Variants in ANO3 observed in about 807,000 individuals in gnomAD.
The protein encoded by ANO3 is anoctamin-3.
In ANO3, 99 loss-of-function variants were observed where a neutral mutation model predicts 144.8. The observed-to-expected ratio is 0.68, with a 90% CI of 0.58 to 0.81. The LOEUF (loss-of-function observed/expected upper bound fraction) is 0.81, where lower values mean the gene tolerates loss of function less well. Among genes scored for constraint, ANO3 ranks in the 30% least tolerant of loss-of-function variants. The pLI is 0.00. For synonymous variants in ANO3, 414 were observed against 392.6 expected, an observed-to-expected ratio of 1.05 and a Z score of -0.64; for missense variants, 905 against 1,202.2, an observed-to-expected ratio of 0.75 and a Z score of 3.66.
chr11:26,410,173 T>G (rs1409292950), intron 1 of ANO3, among the ~76,000 whole-genome samples: 5 of 152,002 alleles, frequency 3.3e-5, no homozygotes, highest in Admixed American at 6.6e-5. Flanking sequence ...ATCGAGTGCC[T>G]ACTAGGTTCC....
At chr11:26,394,335 T>C (rs896172161) in intron 1 of ANO3, among the ~76,000 whole-genome samples, 1 of 152,062 alleles carries the variant, frequency 6.6e-6, no homozygotes, top group Non-Finnish European at 1.5e-5. Context: ...TCTTTCATTA[T>C]TATAGTTATT....
chr11:26,604,385 G>A (rs1851881053), intron 17 of ANO3, among the ~76,000 whole-genome samples: 1 of 152,060 alleles, frequency 6.6e-6, no homozygotes, highest in Non-Finnish European at 1.5e-5. Context: ...GGATTGTCTT[G>A]GCTATACGGG....
At chr11:26,534,936 GA>G (rs1355103673) in intron 9 of ANO3, among the ~76,000 whole-genome samples, 1 of 152,068 alleles carries the variant, frequency 6.6e-6, no homozygotes, top group African/African-American at 2.4e-5. Flanking sequence ...CTTAGGGACT[GA>G]AAAATAAGTT....
At chr11:26,476,540 A>G (rs1195248624) in intron 4 of ANO3, among the ~76,000 whole-genome samples, 2 of 152,076 alleles carry the variant, frequency 1.3e-5, no homozygotes, top group African/African-American at 4.8e-5. Context: ...AGGTGAGCAG[A>G]CACAATGCTG....
chr11:26,251,012 G>C lies in ANO3; in HGVS notation c.155-58633G>C, dbSNP rs760948644. ...CTTGTGATACCGTGACTGACTGGGA[G>C]CTGTGGTTCTCTTATACTGATCAGC... On this transcript the variant is annotated intron_variant, in intron 1 of 27. Transcript: ENST00000672621. Among the ~76,000 whole-genome samples the C allele has an allele frequency of 3.9e-4, 60 of 152,268 alleles. 1 individual carries two copies. In the Middle Eastern group the frequency reaches 0.027, roughly 69 times the overall value.
intron 6 of ANO3, among the ~76,000 whole-genome samples, chr11:26,524,996 C>A (rs1849125698): frequency 6.6e-6 from 1 of 152,152 alleles, no homozygotes; most frequent in South Asian, 2.1e-4. Flanking sequence ...AGATTCAATA[C>A]AGGTGACATA....
chr11:26,452,364 C>T (rs1304842159), intron 3 of ANO3, among the ~76,000 whole-genome samples: 7 of 152,014 alleles, frequency 4.6e-5, no homozygotes, highest in Admixed American at 2.0e-4. Context: ...ACTAGAATAA[C>T]CAATACAGAG....
At chr11:26,421,267 G>A (rs1269822294) in intron 1 of ANO3, among the ~76,000 whole-genome samples, 1 of 152,030 alleles carries the variant, frequency 6.6e-6, no homozygotes, top group Non-Finnish European at 1.5e-5. Flanking sequence ...CATAGCTCAA[G>A]TAATCACTCA....
chr11:26,470,490 A>C (rs1859741959), intron 4 of ANO3, among the ~76,000 whole-genome samples: 1 of 151,870 alleles, frequency 6.6e-6, no homozygotes, highest in Non-Finnish European at 1.5e-5. Flanking sequence ...CTCACATTGT[A>C]ATTTGTGGTG....
chr11:26,640,705 T>C (rs917284234), intron 21 of ANO3, among the ~76,000 whole-genome samples: 4 of 152,108 alleles, frequency 2.6e-5, no homozygotes, highest in African/African-American at 9.7e-5. Context: ...GGATCACATA[T>C]ATCAAATCCT....
chr11:26,247,726 C>CTTTT (rs532538445), intron 1 of ANO3, among the ~76,000 whole-genome samples: 2,377 of 104,152 alleles, frequency 0.023, 158 homozygotes, highest in African/African-American at 0.051. Context: ...GCTCCAGTCA[C>CTTTT]TTTTTTTTTT....
At chr11:26,600,396 CCCCA>C (rs1298842781) in intron 17 of ANO3, among the ~76,000 whole-genome samples, 40 of 55,402 alleles carry the variant, frequency 7.2e-4, no homozygotes, top group African/African-American at 1.7e-3. Flanking sequence ...CTCCTCTCCT[CCCCA>C]CCTCCCTTCC....
At chr11:26,499,836 C>A (rs117847722) in intron 4 of ANO3, among the ~76,000 whole-genome samples, 11,336 of 151,824 alleles carry the variant, frequency 0.075, 600 homozygotes, top group Admixed American at 0.13. Context: ...ATTAATCACC[C>A]ATTTAAAGTA....
intron 1 of ANO3, among the ~76,000 whole-genome samples, chr11:26,378,970 C>CAAAA (rs5790576): frequency 1.3e-4 from 18 of 138,018 alleles, no homozygotes; most frequent in African/African-American, 4.4e-4. Flanking sequence ...ACAACTTCTC[C>CAAAA]AAAAAAAAAA....
intron 1 of ANO3, among the ~76,000 whole-genome samples, chr11:26,221,056 T>C (rs1852133289): frequency 6.6e-6 from 1 of 152,138 alleles, no homozygotes; most frequent in African/African-American, 2.4e-5. Context: ...GATCTCAGTT[T>C]CCCCCACACA....
intron 1 of ANO3, among the ~76,000 whole-genome samples, chr11:26,300,214 A>G (rs959722108): frequency 5.3e-5 from 8 of 151,928 alleles, no homozygotes; most frequent in African/African-American, 1.9e-4. Flanking sequence ...GCACACACAC[A>G]CAGACACACA....
At chr11:26,423,309 C>CTGT (rs1554952357) in intron 1 of ANO3, among the ~76,000 whole-genome samples, 1 of 135,172 alleles carries the variant, frequency 7.4e-6, no homozygotes. Context: ...TACCTTTATA[C>CTGT]TTTTTTTTTT....
intron 3 of ANO3, among the ~76,000 whole-genome samples, chr11:26,459,027 G>T (rs1249314646): frequency 1.3e-5 from 2 of 152,122 alleles, no homozygotes; most frequent in African/African-American, 4.8e-5. Context: ...GAGGTGACAA[G>T]TGAACAGAAC....
intron 1 of ANO3, among the ~76,000 whole-genome samples, chr11:26,385,332 C>G (rs1242738948): frequency 6.6e-6 from 1 of 152,062 alleles, no homozygotes; most frequent in African/African-American, 2.4e-5. Context: ...TATATTGCTG[C>G]TACAAAAAAT....
Sources: gnomAD v4.1 joint callset for allele counts (sites outside exome capture counted in the v4.1 genomes callset) on GRCh38, gnomAD v4.1.1 for gene constraint, MANE v1.5 for transcripts, NCBI Gene and HGNC (gene_info 2026-07-23, HGNC 2026-07-21) for gene names.